ANKFN1: variants seen among roughly 807,000 people sequenced by gnomAD.
The protein encoded by ANKFN1 is ankyrin repeat and fibronectin type-III domain-containing protein 1.
In ANKFN1, 74 loss-of-function variants were observed where a neutral mutation model predicts 108.7. That is an observed-to-expected ratio of 0.68 (90% confidence interval 0.56 to 0.83). The LOEUF (loss-of-function observed/expected upper bound fraction) is 0.83, where lower values mean the gene tolerates loss of function less well. ANKFN1 is among the 40% of genes least tolerant of loss of function. The pLI, the probability that ANKFN1 is intolerant of heterozygous loss-of-function variation, is 0.00. For missense variants in ANKFN1, 1,505 were observed against 1,382.3 expected (o/e 1.09, Z -1.41); for synonymous variants, 547 against 516.2 (o/e 1.06, Z -0.81).
At chr17:56,214,681 T>C (rs1374539161) in intron 2 of ANKFN1, among the ~76,000 whole-genome samples, 2 of 152,274 alleles carry the variant, frequency 1.3e-5, no homozygotes, top group South Asian at 2.1e-4. Context: ...CAAAATATCT[T>C]TCTCTAAGAT....
At chr17:56,317,039 G>T (rs1298014262) in intron 3 of ANKFN1, among the ~76,000 whole-genome samples, 1 of 152,118 alleles carries the variant, frequency 6.6e-6, no homozygotes, top group Non-Finnish European at 1.5e-5. Flanking sequence ...CACATATATT[G>T]ACTCTGAAAT....
chr17:56,186,637 A>G (rs1053388172), intron 1 of ANKFN1, among the ~76,000 whole-genome samples: 7 of 152,178 alleles, frequency 4.6e-5, no homozygotes, highest in African/African-American at 1.4e-4. Context: ...CTGGCTCCCT[A>G]GCTATCAGAG....
At chr17:56,419,994 T>C (rs1450001483) in intron 8 of ANKFN1, among the ~76,000 whole-genome samples, 3 of 152,056 alleles carry the variant, frequency 2.0e-5, no homozygotes, top group Non-Finnish European at 2.9e-5. Flanking sequence ...TCCAGCTTCA[T>C]CTCCTACCAT....
chr17:56,454,542 A>G (rs545920155), intron 11 of ANKFN1, among the ~76,000 whole-genome samples: 2 of 152,352 alleles, frequency 1.3e-5, no homozygotes, highest in East Asian at 3.9e-4. Flanking sequence ...AGGGAAATCA[A>G]TAGCCATTGG....
chr17:56,306,036 C>A (rs905124908), intron 3 of ANKFN1, among the ~76,000 whole-genome samples: 1 of 152,216 alleles, frequency 6.6e-6, no homozygotes, highest in African/African-American at 2.4e-5. Context: ...CTGCCAACAT[C>A]AGACAGTCTT....
In ANKFN1 at chr17:56,514,421, T is replaced by C. The variant is rs535972595; in HGVS notation, c.*3152T>C. 6.6e-6 allele frequency among the ~76,000 whole-genome samples: 1 copy of C among 152,320 alleles called. No individual in the cohort carries two copies. The highest frequency in any genetic ancestry group is 2.1e-4 in the South Asian group (1 of 4,822). The stretch of plus-strand genomic sequence containing the variant: ...TCCTCAGCCAGGCAGACATAGTGCA[T>C]GTTGGGCTACATCTTTGATTTCTTC... On this transcript the variant is annotated 3_prime_UTR_variant, in exon 21 of 21. Transcript: ENST00000682825.
chr17:56,370,036 G>T (rs2046767787), intron 6 of ANKFN1, among the ~76,000 whole-genome samples: 1 of 152,012 alleles, frequency 6.6e-6, no homozygotes, highest in Non-Finnish European at 1.5e-5. Context: ...AAAATTTGAT[G>T]CTCCAAGAAG....
At chr17:56,112,056 A>T (rs1393984933) in intron 4 of ANKFN1, among the ~76,000 whole-genome samples, 1 of 152,238 alleles carries the variant, frequency 6.6e-6, no homozygotes, top group Non-Finnish European at 1.5e-5. Flanking sequence ...TATAGATTAA[A>T]TTTGTTCATG....
Position 56,409,139 on chromosome 17 carries a change from G to T in ANKFN1, c.911-31188G>T, listed in dbSNP as rs556036094. 9.9e-5 allele frequency among the ~76,000 whole-genome samples: 15 copies of T among 152,110 alleles called. No homozygotes were observed. In the South Asian group the frequency reaches 2.9e-3, roughly 30 times the overall value. Reference sequence around the variant, plus strand: ...GGGGTTTCACCATATTGGCCAGGCTGGTCTCGAACTCCTGATCTCAGGTGA... The same window carrying T: ...GGGGTTTCACCATATTGGCCAGGCTTGTCTCGAACTCCTGATCTCAGGTGA... On this transcript the variant is annotated intron_variant, in intron 8 of 20. Coordinates refer to ENST00000682825, the MANE Select transcript of ANKFN1 (RefSeq NM_001370326.1).
intron 3 of ANKFN1, among the ~76,000 whole-genome samples, chr17:56,276,853 T>C (rs780401739): frequency 7.7e-4 from 118 of 152,354 alleles, no homozygotes; most frequent in Non-Finnish European, 1.3e-3. Flanking sequence ...CCATGATGTA[T>C]TTCAATTCAT....
At chr17:56,352,459 C>G (rs2046271466) in intron 5 of ANKFN1, among the ~76,000 whole-genome samples, 1 of 152,150 alleles carries the variant, frequency 6.6e-6, no homozygotes, top group Non-Finnish European at 1.5e-5. Context: ...TATTCCAACT[C>G]TTTTAAAGAC....
intron 8 of ANKFN1, among the ~76,000 whole-genome samples, chr17:56,389,083 G>C (rs1277751053): frequency 6.6e-6 from 1 of 150,532 alleles, no homozygotes; most frequent in Non-Finnish European, 1.5e-5. Flanking sequence ...AAAAATGAAA[G>C]TTTACTTTTA....
intron 1 of ANKFN1, among the ~76,000 whole-genome samples, chr17:56,210,077 G>C (rs563400669): frequency 1.3e-5 from 2 of 152,012 alleles, no homozygotes; most frequent in East Asian, 3.9e-4. Flanking sequence ...TAGATAGATA[G>C]ATAGATAGAT....
intron 4 of ANKFN1, among the ~76,000 whole-genome samples, chr17:56,072,998 CT>C (rs111262166): frequency 5.9e-4 from 86 of 146,926 alleles, no homozygotes; most frequent in Non-Finnish European, 5.4e-4. Flanking sequence ...TTATTATTTT[CT>C]TTTTTTTTTT....
chr17:56,241,873 A>G (rs936633005), intron 3 of ANKFN1, among the ~76,000 whole-genome samples: 1 of 152,102 alleles, frequency 6.6e-6, no homozygotes, highest in African/African-American at 2.4e-5. Flanking sequence ...TTCATAACCA[A>G]GATGGCTATT....
chr17:56,377,888 T>C lies in ANKFN1; in HGVS notation c.910+3174T>C, dbSNP rs537386643. On this transcript the variant is annotated intron_variant, in intron 8 of 20. Transcript: ENST00000682825. The stretch of plus-strand genomic sequence containing the variant: ...AATTGGGCCTCGAAGTGGCCACACC[T>C]TGGGGTTTGCTAATTACAACATGCT... Among the ~76,000 whole-genome samples, 22 of 152,254 alleles carry C rather than the reference T, an allele frequency of 1.4e-4. No homozygotes were observed. In the South Asian group the frequency reaches 4.6e-3, roughly 32 times the overall value.
chr17:56,358,454 C>T (rs1460202763), intron 6 of ANKFN1, among the ~76,000 whole-genome samples: 1 of 152,148 alleles, frequency 6.6e-6, no homozygotes, highest in East Asian at 1.9e-4. Flanking sequence ...TTTCCTTACT[C>T]ATAGAAAAAT....
chr17:56,063,400 G>T (rs912058863), intron 4 of ANKFN1, among the ~76,000 whole-genome samples: 2 of 150,286 alleles, frequency 1.3e-5, no homozygotes, highest in Non-Finnish European at 3.0e-5. Flanking sequence ...TCATAGGTTT[G>T]GTCTTTTTAT....
At chr17:56,235,839 T>G (rs1047901862) in intron 3 of ANKFN1, among the ~76,000 whole-genome samples, 2 of 152,164 alleles carry the variant, frequency 1.3e-5, no homozygotes, top group Non-Finnish European at 2.9e-5. Context: ...CTATTCAGAC[T>G]CTTTTTTGGT....
Sources: allele counts gnomAD v4.1 joint callset (sites outside exome capture counted in the v4.1 genomes callset), GRCh38; gene constraint gnomAD v4.1.1; transcripts MANE v1.5; gene names NCBI Gene and HGNC (gene_info 2026-07-23, HGNC 2026-07-21).